OXR1: variants seen among roughly 807,000 people sequenced by gnomAD.
OXR1 encodes the protein oxidation resistance protein 1.
In OXR1, 41 loss-of-function variants were observed where a neutral mutation model predicts 104.6. The observed-to-expected ratio is 0.39, with a 90% CI of 0.31 to 0.51. The LOEUF is 0.51. Ranked by LOEUF, OXR1 falls within the 20% of genes least tolerant of loss-of-function variation. The pLI, the probability that OXR1 is intolerant of heterozygous loss-of-function variation, is 0.77. For synonymous variants in OXR1, 348 were observed against 348.4 expected, an observed-to-expected ratio of 1.00 and a Z score of 0.01; for missense variants, 955 against 1,031.9, an observed-to-expected ratio of 0.93 and a Z score of 1.02.
intron 3 of OXR1, among the ~76,000 whole-genome samples, chr8:106,610,059 T>C (rs961446112): frequency 2.0e-5 from 3 of 152,026 alleles, no homozygotes; most frequent in Non-Finnish European, 4.4e-5. Context: ...ACTAGTAATA[T>C]ACAGTAAAAT....
intron 1 of OXR1, among the ~76,000 whole-genome samples, chr8:106,342,240 C>CTTTTCTT (rs1172107781): frequency 2.7e-5 from 4 of 148,928 alleles, no homozygotes; most frequent in African/African-American, 4.9e-5. Context: ...CTTTTCTTTT[C>CTTTTCTT]TTTTCTTTTT....
chr8:106,463,322 C>T (rs972517445), intron 2 of OXR1, among the ~76,000 whole-genome samples: 4 of 152,160 alleles, frequency 2.6e-5, no homozygotes, highest in South Asian at 4.1e-4. Context: ...CAATGTAATG[C>T]ATAAACATTT....
intron 2 of OXR1, among the ~76,000 whole-genome samples, chr8:106,433,738 T>C (rs1262918560): frequency 6.6e-6 from 1 of 152,214 alleles, no homozygotes; most frequent in Non-Finnish European, 1.5e-5. Context: ...ATCTATCTAG[T>C]CCAGTTATTT....
chr8:106,470,779 A>G (rs187671677), intron 2 of OXR1, among the ~76,000 whole-genome samples: 1 of 151,938 alleles, frequency 6.6e-6, no homozygotes, highest in African/African-American at 2.4e-5. Flanking sequence ...AGAAGTGATC[A>G]GTGAGGTATG....
chr8:106,706,600 A>G lies in OXR1; in HGVS notation c.1079A>G (p.Asp360Gly), dbSNP rs774411193. 5.6e-6 allele frequency: 9 copies of G among 1,613,040 alleles called. No homozygotes were observed. The highest frequency in any genetic ancestry group is 2.2e-5 in the East Asian group (1 of 44,866). ...GTATCTTCAGATGAACTGCGACAAG[A>G]TAAATCTTCTGGTGCGTCATCAGAA... ...ELVSSDELRQ[D>G]KSSGASSESV... Residue 360 changes from aspartate (D) to glycine (G), a missense_variant, in exon 9 of 17, where the codon GAT (aspartate) becomes GGT (glycine). Coordinates refer to ENST00000517566, the MANE Select transcript of OXR1 (RefSeq NM_001198533.2).
At chr8:106,644,413 G>A (rs1296861996) in intron 3 of OXR1, among the ~76,000 whole-genome samples, 1 of 152,154 alleles carries the variant, frequency 6.6e-6, no homozygotes, top group Non-Finnish European at 1.5e-5. Context: ...AGCTTATTCT[G>A]TGATGCCAAA....
At chr8:106,714,173 T>G (rs1832005393) in intron 11 of OXR1, among the ~76,000 whole-genome samples, 188 bp downstream of exon 11, 1 of 152,048 alleles carries the variant, frequency 6.6e-6, no homozygotes, top group African/African-American at 2.4e-5. Context: ...ATATTTGTCA[T>G]TCTGCTTTTG....
intron 3 of OXR1, among the ~76,000 whole-genome samples, chr8:106,596,557 A>C (rs935885538): frequency 1.3e-5 from 2 of 152,238 alleles, no homozygotes; most frequent in Non-Finnish European, 2.9e-5. Context: ...CAATGGAAGA[A>C]GTAAAATTGA....
chr8:106,638,783 C>T (rs1265664095), intron 3 of OXR1, among the ~76,000 whole-genome samples: 1 of 151,764 alleles, frequency 6.6e-6, no homozygotes, highest in Non-Finnish European at 1.5e-5. Context: ...GTCCCAGCTA[C>T]TCAGGAGGCT....
At chr8:106,504,507 C>G (rs1324704012) in intron 2 of OXR1, among the ~76,000 whole-genome samples, 1 of 152,144 alleles carries the variant, frequency 6.6e-6, no homozygotes, top group Non-Finnish European at 1.5e-5. Context: ...AATCCCTGAC[C>G]TCAAGTGGCT....
At chr8:106,590,721 A>G (rs1819015356) in intron 3 of OXR1, among the ~76,000 whole-genome samples, 1 of 152,128 alleles carries the variant, frequency 6.6e-6, no homozygotes, top group African/African-American at 2.4e-5. Context: ...TTTCCTCCCA[A>G]TCTCAAGGTT....
intron 2 of OXR1, among the ~76,000 whole-genome samples, chr8:106,481,741 A>C (rs555483401): frequency 6.6e-6 from 1 of 152,146 alleles, no homozygotes; most frequent in Admixed American, 6.6e-5. Flanking sequence ...AACAATGCTA[A>C]AACATAACTT....
At chr8:106,339,198 T>C (rs1815092016) in intron 1 of OXR1, among the ~76,000 whole-genome samples, 1 of 151,790 alleles carries the variant, frequency 6.6e-6, no homozygotes, top group Admixed American at 6.6e-5. Flanking sequence ...TAAATATTGA[T>C]AAATATAACA....
At chr8:106,292,849 A>T (rs73303159) in intron 1 of OXR1, among the ~76,000 whole-genome samples, 2,731 of 152,318 alleles carry the variant, frequency 0.018, 46 homozygotes, top group Admixed American at 0.037. Context: ...TATGTCACTG[A>T]AGAATGTTAA....
chr8:106,661,922 C>G (rs1825804689), intron 3 of OXR1, among the ~76,000 whole-genome samples: 1 of 152,158 alleles, frequency 6.6e-6, no homozygotes, highest in South Asian at 2.1e-4. Context: ...ACAAACTCCC[C>G]TCCACCCCTT....
At chr8:106,661,244 A>C (rs1825732567) in intron 3 of OXR1, among the ~76,000 whole-genome samples, 1 of 152,160 alleles carries the variant, frequency 6.6e-6, no homozygotes, top group African/African-American at 2.4e-5. Flanking sequence ...TCTATAAAGA[A>C]ACCACTTACT....
chr8:106,550,062 A>G (rs1815682452), intron 3 of OXR1, among the ~76,000 whole-genome samples: 1 of 152,182 alleles, frequency 6.6e-6, no homozygotes, highest in African/African-American at 2.4e-5. Flanking sequence ...TGCTATTGTA[A>G]TTCCTATGCC....
At chr8:106,516,373 T>G (rs1351981526) in intron 2 of OXR1, among the ~76,000 whole-genome samples, 1 of 152,146 alleles carries the variant, frequency 6.6e-6, no homozygotes, top group Admixed American at 6.6e-5. Flanking sequence ...TTATCACCTG[T>G]CTCCCTCCAT....
At chr8:106,462,565 T>C (rs1218599639) in intron 2 of OXR1, among the ~76,000 whole-genome samples, 2 of 152,166 alleles carry the variant, frequency 1.3e-5, no homozygotes, top group Admixed American at 1.3e-4. Context: ...GCAGAAACAT[T>C]ATCATGGTGA....
Sources: allele counts gnomAD v4.1 joint callset (sites outside exome capture counted in the v4.1 genomes callset), GRCh38; gene constraint gnomAD v4.1.1; transcripts MANE v1.5; gene names NCBI Gene and HGNC (gene_info 2026-07-23, HGNC 2026-07-21).